Variants in TENT4B observed in about 807,000 individuals in gnomAD.
TENT4B encodes PAP associated domain containing 5.
In TENT4B, 10 loss-of-function variants were observed where a neutral mutation model predicts 75.0. The ratio of observed to expected loss-of-function variants is 0.13; its 90% CI spans 0.08 to 0.23. TENT4B has a LOEUF of 0.23. Ranked by LOEUF, TENT4B falls within the 10% of genes least tolerant of loss-of-function variation. The probability of loss-of-function intolerance (pLI) is 1.00; values close to 1 mark genes in which losing one functional copy is unlikely to be tolerated. For missense variants in TENT4B, 579 were observed against 893.8 expected, an observed-to-expected ratio of 0.65 and a Z score of 4.49; for synonymous variants, 350 against 357.7, an observed-to-expected ratio of 0.98 and a Z score of 0.24.
In TENT4B at chr16:50,227,847, T is replaced by C. The variant is rs1212678199; in HGVS notation, c.1809T>C (p.Asp603=). 4 of 1,614,046 alleles carry C rather than the reference T, an allele frequency of 2.5e-6. No homozygotes were observed. Among genetic ancestry groups the C allele is most frequent in the Non-Finnish European group, 3.4e-6 (4 of 1,179,904 alleles). ...TQSSSSDVDS[D]ATPCKTPKQL... Reference sequence around the variant, plus strand: ...CACGTGACTTGTGTTAGGATTCCGATGCAACACCATGCAAAACCCCGAAAC... The same window carrying C: ...CACGTGACTTGTGTTAGGATTCCGACGCAACACCATGCAAAACCCCGAAAC... Residue 603 remains aspartate, a synonymous_variant, in exon 11 of 12, where the codon GAT becomes GAC. Transcript: ENST00000561678.
At chr16:50,222,230 C>A in intron 5 of TENT4B, 76 bp from the exon 6 acceptor site, 1 of 1,339,900 alleles carries the variant, frequency 7.5e-7, no homozygotes, top group Non-Finnish European at 1.0e-6. Flanking sequence ...AATGTAAGGA[C>A]CAATTTATGC....
intron 1 of TENT4B, among the ~76,000 whole-genome samples, chr16:50,179,382 T>A (rs1320727544): frequency 6.6e-6 from 1 of 152,144 alleles, no homozygotes; most frequent in Non-Finnish European, 1.5e-5. Flanking sequence ...TTTTTTTTTT[T>A]ACTTTATCCC....
chr16:50,180,473 G>A (rs974717797), intron 1 of TENT4B, among the ~76,000 whole-genome samples: 8 of 152,146 alleles, frequency 5.3e-5, no homozygotes, highest in Non-Finnish European at 1.0e-4. Flanking sequence ...TTGGGAGGCC[G>A]AGGTGGGCAG....
Position 50,232,287 on chromosome 16 carries a change from CTA to C in TENT4B, c.*2961_*2962del. ...CAAATCTAGCTTGGATCTGTAGGAC[CTA>C]TGTTTTTTACAAGTAATTGCCCTCC... On this transcript the variant is annotated 3_prime_UTR_variant, in exon 12 of 12. Transcript: ENST00000561678. 1.0e-6 allele frequency: 1 copy of C among 985,312 alleles called. No homozygotes were observed. The highest frequency in any genetic ancestry group is 1.2e-6 in the Non-Finnish European group (1 of 829,904). The allele number at this position is 985,312 out of a possible 1,614,324, so 61.0% of individuals were successfully genotyped here.
intron 1 of TENT4B, among the ~76,000 whole-genome samples, chr16:50,186,625 G>A (rs1461617945): frequency 6.6e-6 from 1 of 152,128 alleles, no homozygotes; most frequent in Non-Finnish European, 1.5e-5. Flanking sequence ...TGGATCATAT[G>A]ATAATTCTAT....
intron 1 of TENT4B, among the ~76,000 whole-genome samples, chr16:50,191,364 T>C (rs2038634965): frequency 6.6e-6 from 1 of 152,232 alleles, no homozygotes; most frequent in Non-Finnish European, 1.5e-5. Flanking sequence ...ACATCCTTGC[T>C]AACACTTAGT....
rs370617840 is a variant in TENT4B at position 50,191,879 on chromosome 16, A to G, written c.639-19444A>G. 2.0e-5 allele frequency among the ~76,000 whole-genome samples: 3 copies of G among 151,926 alleles called. No homozygotes were observed. The East Asian group carries it at 5.8e-4, about 29-fold the overall frequency. On this transcript the variant is annotated intron_variant, in intron 1 of 11. Coordinates refer to ENST00000561678, the MANE Select transcript of TENT4B (RefSeq NM_001365324.3). ...GGTTGCGGTGAGTCGAGATCGCACCATTGCCCTCCAGCCTGGGCAACAAGA... is the reference window on the plus strand; with the variant it reads ...GGTTGCGGTGAGTCGAGATCGCACCGTTGCCCTCCAGCCTGGGCAACAAGA...
In TENT4B at chr16:50,225,112, T is replaced by G. The variant is rs1423256968; in HGVS notation, c.1627T>G (p.Leu543Val). The stretch of plus-strand genomic sequence containing the variant: ...CACTCTTTCAGGAAATGGTGTTACC[T>G]TGATAGTAGATACTCAGCAGTTAGA... The part of the protein sequence containing the change: ...EPSCNGNGVT[L>V]IVDTQQLDKC... The change falls in exon 10 of 12, where the codon TTG becomes GTG. Residue 543 changes from leucine to valine, a missense_variant. This residue lies in a region of TENT4B where 164 missense variants were observed against 226.5 expected (regional missense o/e 0.72). Transcript: ENST00000561678. 1.2e-6 allele frequency: 2 copies of G among 1,612,552 alleles called. No homozygotes were observed. Among genetic ancestry groups the G allele is most frequent in the Non-Finnish European group, 1.7e-6 (2 of 1,179,086 alleles).
At chr16:50,200,373 A>G (rs1426950755) in intron 1 of TENT4B, among the ~76,000 whole-genome samples, 1 of 152,040 alleles carries the variant, frequency 6.6e-6, no homozygotes. Flanking sequence ...CTTAAAAAAA[A>G]AAAGAGAAAA....
At chr16:50,227,729 A>G in intron 10 of TENT4B, 110 bp from the exon 11 acceptor site, 2 of 1,190,714 alleles carry the variant, frequency 1.7e-6, no homozygotes, top group East Asian at 2.5e-5. Context: ...TAACTCCCAA[A>G]TGTTTAAATT....
intron 1 of TENT4B, among the ~76,000 whole-genome samples, chr16:50,180,349 T>C (rs1013436509): frequency 7.9e-5 from 12 of 152,180 alleles, no homozygotes; most frequent in Admixed American, 7.2e-4. Context: ...GTGATCTGCC[T>C]GCCTCAGCCT....
Position 50,229,806 on chromosome 16 carries a change from A to G in TENT4B, c.*478A>G. On this transcript the variant is annotated 3_prime_UTR_variant, in exon 12 of 12. Transcript: ENST00000561678. ...GTTTTTTTTTTAAATATTTTTGCATATATTTACCATTTTATTGTGTGTATA... is the reference window on the plus strand; with the variant it reads ...GTTTTTTTTTTAAATATTTTTGCATGTATTTACCATTTTATTGTGTGTATA... 1.0e-6 allele frequency: 1 copy of G among 957,252 alleles called. No homozygotes were observed. The allele number at this position is 957,252 out of a possible 1,614,324, so 59.3% of individuals were successfully genotyped here.
chr16:50,182,172 C>G (rs915481424), intron 1 of TENT4B, among the ~76,000 whole-genome samples: 1 of 151,926 alleles, frequency 6.6e-6, no homozygotes, highest in Non-Finnish European at 1.5e-5. Context: ...TAGGCTGAGG[C>G]GGGAGGATCG....
rs1311169574 is a variant in TENT4B at position 50,233,791 on chromosome 16, G to A, written c.*4463G>A. The A allele has an allele frequency of 9.1e-6, 9 of 985,276 alleles. No individual in the cohort carries two copies. Among genetic ancestry groups the A allele is most frequent in the African/African-American group, 3.5e-5 (2 of 57,236 alleles). 61.0% of individuals were successfully genotyped at this position (985,276 alleles called of 1,614,324 possible). A position where few individuals can be genotyped will look rare whatever the true frequency, so the allele number is the denominator to read the frequency against. On this transcript the variant is annotated 3_prime_UTR_variant, in exon 12 of 12. Transcript: ENST00000561678. ...TAGTAGCCTGAAAGAAAAGGAGACA[G>A]AACCAGAGAGATGGATGTAGTGCAT...
intron 1 of TENT4B, among the ~76,000 whole-genome samples, chr16:50,155,474 A>G (rs978983258): frequency 7.2e-5 from 11 of 151,978 alleles, no homozygotes; most frequent in African/African-American, 2.7e-4. Flanking sequence ...GCTGAGAGAG[A>G]GAGTTCTGTG....
At chr16:50,196,557 A>G (rs1178286444) in intron 1 of TENT4B, among the ~76,000 whole-genome samples, 1 of 151,928 alleles carries the variant, frequency 6.6e-6, no homozygotes, top group Non-Finnish European at 1.5e-5. Context: ...GAAGCTACCA[A>G]TGTTGCTTTA....
intron 4 of TENT4B, among the ~76,000 whole-genome samples, chr16:50,216,811 G>A (rs1024809275): frequency 4.3e-5 from 6 of 140,910 alleles, no homozygotes; most frequent in Non-Finnish European, 6.0e-5. Flanking sequence ...ACCCTACCAC[G>A]CCCTGCTTAT....
At chr16:50,207,340 C>T (rs1316615841) in intron 1 of TENT4B, among the ~76,000 whole-genome samples, 1 of 151,964 alleles carries the variant, frequency 6.6e-6, no homozygotes, top group Non-Finnish European at 1.5e-5. Flanking sequence ...CACCATCACG[C>T]CTGGCTAATT....
Position 50,231,415 on chromosome 16 carries a change from A to C in TENT4B, c.*2087A>C. 1.0e-6 allele frequency: 1 copy of C among 984,616 alleles called. No homozygotes were observed. The highest frequency in any genetic ancestry group is 1.2e-6 in the Non-Finnish European group (1 of 828,798). The allele number at this position is 984,616 out of a possible 1,614,324, so 61.0% of individuals were successfully genotyped here. A position where few individuals can be genotyped will look rare whatever the true frequency, so the allele number is the denominator to read the frequency against. On this transcript the variant is annotated 3_prime_UTR_variant, in exon 12 of 12. Coordinates refer to ENST00000561678, the MANE Select transcript of TENT4B (RefSeq NM_001365324.3). ...TAGCTGCCTATTTCAGACACTTAAT[A>C]CTTGCAGAGATCTATGTTACATTTA... is the stretch of plus-strand genomic sequence containing the variant.
Sources: allele counts gnomAD v4.1 joint callset (sites outside exome capture counted in the v4.1 genomes callset), GRCh38; gene constraint gnomAD v4.1.1; regional missense constraint gnomAD v4.1.1; transcripts MANE v1.5; gene names NCBI Gene and HGNC (gene_info 2026-07-23, HGNC 2026-07-21).